The following PPFIA2 variants were observed in gnomAD, a reference collection of about 807,000 sequenced individuals.
PPFIA2 encodes the protein liprin-alpha-2.
In PPFIA2, 46 loss-of-function variants were observed where a neutral mutation model predicts 175.5. The ratio of observed to expected loss-of-function variants is 0.26; its 90% CI spans 0.21 to 0.34. The LOEUF (loss-of-function observed/expected upper bound fraction) is 0.34, where lower values mean the gene tolerates loss of function less well. Ranked by LOEUF, PPFIA2 falls within the 10% of genes least tolerant of loss-of-function variation. The probability of loss-of-function intolerance (pLI) is 1.00; values close to 1 mark genes in which losing one functional copy is unlikely to be tolerated. For synonymous variants in PPFIA2, 568 were observed against 511.4 expected (o/e 1.11, Z -1.49); for missense variants, 1,179 against 1,506.1 (o/e 0.78, Z 3.60).
intron 3 of PPFIA2, 145 bp from the exon 4 acceptor site, chr12:81,676,989 T>C (rs1016599372): frequency 2.2e-6 from 1 of 445,058 alleles, no homozygotes; most frequent in African/African-American, 2.1e-5. Flanking sequence ...GACACTGTAG[T>C]ACTATACAAA....
intron 7 of PPFIA2, among the ~76,000 whole-genome samples, chr12:81,425,978 C>A (rs1268256078): frequency 6.6e-6 from 1 of 151,990 alleles, no homozygotes; most frequent in Admixed American, 6.6e-5. Context: ...AGGCTTTTGC[C>A]CTCAGCCTTA....
At chr12:81,756,683 A>G (rs2084726755) in intron 2 of PPFIA2, among the ~76,000 whole-genome samples, 1 of 152,126 alleles carries the variant, frequency 6.6e-6, no homozygotes, top group South Asian at 2.1e-4. Context: ...AGGAAAAAAA[A>G]GAAAATATAT....
At chr12:81,427,839 G>A (rs759661907) in intron 7 of PPFIA2, among the ~76,000 whole-genome samples, 2 of 151,862 alleles carry the variant, frequency 1.3e-5, no homozygotes, top group African/African-American at 4.8e-5. Context: ...TGAAAGATAC[G>A]TCCAAAATTT....
At chr12:81,474,687 A>G (rs2057260140) in intron 4 of PPFIA2, among the ~76,000 whole-genome samples, 1 of 152,222 alleles carries the variant, frequency 6.6e-6, no homozygotes, top group South Asian at 2.1e-4. Flanking sequence ...ACTGCTGTGA[A>G]ATATAATTAT....
chr12:81,504,816 A>T (rs536063433), intron 4 of PPFIA2, among the ~76,000 whole-genome samples: 5 of 152,348 alleles, frequency 3.3e-5, no homozygotes, highest in African/African-American at 1.2e-4. Context: ...ATGCAGCCAT[A>T]AAAAAGGATG....
intron 4 of PPFIA2, among the ~76,000 whole-genome samples, chr12:81,529,597 G>T (rs1567202595): frequency 6.7e-6 from 1 of 149,682 alleles, no homozygotes; most frequent in Non-Finnish European, 1.5e-5. Flanking sequence ...CATATACCAG[G>T]ATTGCTCCAG....
chr12:81,653,916 T>C (rs933490576), intron 4 of PPFIA2, among the ~76,000 whole-genome samples: 14 of 152,056 alleles, frequency 9.2e-5, no homozygotes, highest in African/African-American at 2.4e-5. Flanking sequence ...AATATATGTA[T>C]ATGTGAATAC....
At chr12:81,754,449 T>G (rs1030304381) in intron 2 of PPFIA2, among the ~76,000 whole-genome samples, 10 of 152,310 alleles carry the variant, frequency 6.6e-5, no homozygotes, top group African/African-American at 2.4e-4. Flanking sequence ...ATCACATTTA[T>G]CCCACCTCCC....
intron 3 of PPFIA2, among the ~76,000 whole-genome samples, chr12:81,686,753 T>G (rs529173666): frequency 6.4e-4 from 97 of 152,228 alleles, no homozygotes; most frequent in African/African-American, 2.3e-3. Flanking sequence ...TCCCTTACTC[T>G]GGTATGCATA....
chr12:81,708,192 T>A (rs1280702049), intron 3 of PPFIA2, among the ~76,000 whole-genome samples: 2 of 151,182 alleles, frequency 1.3e-5, no homozygotes, highest in Admixed American at 6.6e-5. Flanking sequence ...ACAAAAAAAA[T>A]GGAAATTTAA....
At chr12:81,306,541 G>GTTTT (rs34245260) in intron 22 of PPFIA2, among the ~76,000 whole-genome samples, 4 of 107,194 alleles carry the variant, frequency 3.7e-5, no homozygotes, top group Non-Finnish European at 5.8e-5. Flanking sequence ...TTGTTTCGTT[G>GTTTT]TTTTTTTTTT....
chr12:81,383,445 A>G (rs1285347434), intron 9 of PPFIA2, among the ~76,000 whole-genome samples: 1 of 152,010 alleles, frequency 6.6e-6, no homozygotes, highest in Non-Finnish European at 1.5e-5. Context: ...ATTTTTTTTT[A>G]GTAACTTAAA....
intron 4 of PPFIA2, among the ~76,000 whole-genome samples, chr12:81,489,344 T>C (rs1036431302): frequency 2.6e-5 from 4 of 151,772 alleles, no homozygotes; most frequent in South Asian, 2.1e-4. Flanking sequence ...CAAAATGCTT[T>C]GGAAGGAACC....
At chr12:81,618,416 T>A (rs1480704494) in intron 4 of PPFIA2, among the ~76,000 whole-genome samples, 1 of 151,752 alleles carries the variant, frequency 6.6e-6, no homozygotes, top group African/African-American at 2.4e-5. Context: ...CTTTAGCTAA[T>A]GATTATTAAA....
chr12:81,642,769 T>TATGTATTATATACATAC lies in PPFIA2; in HGVS notation c.303+34021_303+34022insGTATGTATATAATACAT, dbSNP rs1567689505. Among the ~76,000 whole-genome samples the TATGTATTATATACATAC allele has an allele frequency of 6.3e-3, 198 of 31,596 alleles. 59 individuals are homozygous for TATGTATTATATACATAC. The highest frequency in any genetic ancestry group is 0.021 in the African/African-American group (136 of 6,382). 20.7% of individuals were successfully genotyped at this position (31,596 alleles called of 152,430 possible). On this transcript the variant is annotated intron_variant, in intron 4 of 32. Transcript: ENST00000549396. Reference sequence around the variant, plus strand: ...TGTATTATATACATACATGTATATGTATGTATGTATTATATACATACATGT... The same window carrying TATGTATTATATACATAC: ...TGTATTATATACATACATGTATATGTATGTATTATATACATACATGTATGTATTATATACATACATGT...
chr12:81,457,383 T>C (rs1451372547), intron 5 of PPFIA2, among the ~76,000 whole-genome samples: 1 of 151,894 alleles, frequency 6.6e-6, no homozygotes, highest in Non-Finnish European at 1.5e-5. Context: ...AAACTCTTCC[T>C]CTTTTCCAAA....
At chr12:81,291,945 G>A (rs1483839211) in intron 24 of PPFIA2, among the ~76,000 whole-genome samples, 3 of 152,066 alleles carry the variant, frequency 2.0e-5, no homozygotes, top group Admixed American at 2.0e-4. Context: ...ACTGAGGCTA[G>A]ATCATAAAGC....
chr12:81,497,837 C>G (rs946194988), intron 4 of PPFIA2, among the ~76,000 whole-genome samples: 1 of 152,166 alleles, frequency 6.6e-6, no homozygotes, highest in Non-Finnish European at 1.5e-5. Context: ...CCACACCTGA[C>G]CCTCATAGTT....
intron 4 of PPFIA2, among the ~76,000 whole-genome samples, chr12:81,637,783 C>T (rs1422399392): frequency 1.3e-5 from 2 of 152,168 alleles, no homozygotes; most frequent in Non-Finnish European, 2.9e-5. Flanking sequence ...CAACAGTAGA[C>T]ATATTTTTTC....
Sources: allele counts gnomAD v4.1 joint callset (sites outside exome capture counted in the v4.1 genomes callset), GRCh38; gene constraint gnomAD v4.1.1; transcripts MANE v1.5; gene names NCBI Gene and HGNC (gene_info 2026-07-23, HGNC 2026-07-21).